The following TPRG1 variants were observed in gnomAD, a reference collection of about 807,000 sequenced individuals.
TPRG1 encodes the protein tumor protein p63 regulated 1.
TPRG1 carries 29 observed loss-of-function variants against 29.3 expected under a neutral mutation model. The observed-to-expected ratio is 0.99, with a 90% CI of 0.74 to 1.35. The LOEUF is 1.35. Among genes scored for constraint, TPRG1 ranks in the 40% most tolerant of loss-of-function variants. TPRG1 has a pLI of 0.00. For synonymous variants in TPRG1, 130 were observed against 116.8 expected (o/e 1.11, Z -0.73); for missense variants, 327 against 335.0 (o/e 0.98, Z 0.19).
intron 4 of TPRG1, among the ~76,000 whole-genome samples, chr3:189,258,125 C>T (rs968965654): frequency 6.6e-6 from 1 of 151,822 alleles, no homozygotes. Context: ...GGTTTTTCCT[C>T]ATCTTCATGG....
chr3:189,119,123 C>G (rs1187091177), intron 1 of TPRG1, among the ~76,000 whole-genome samples: 1 of 152,212 alleles, frequency 6.6e-6, no homozygotes, highest in African/African-American at 2.4e-5. Context: ...TGGGAGACCA[C>G]CTTTTGTATC....
At chr3:189,180,766 G>T (rs1490486113) in intron 1 of TPRG1, among the ~76,000 whole-genome samples, 1 of 152,102 alleles carries the variant, frequency 6.6e-6, no homozygotes, top group Non-Finnish European at 1.5e-5. Flanking sequence ...GGGGTCTGGG[G>T]GAGTGACCAT....
At chr3:189,024,229 C>T (rs1014515933) in intron 4 of TPRG1, among the ~76,000 whole-genome samples, 15 of 149,870 alleles carry the variant, frequency 1.0e-4, no homozygotes, top group Admixed American at 2.0e-4. Context: ...GAACCTTCCC[C>T]GTGAGGAGGA....
At chr3:189,071,830 A>G (rs750639758) in intron 4 of TPRG1, among the ~76,000 whole-genome samples, 9 of 152,242 alleles carry the variant, frequency 5.9e-5, no homozygotes, top group Admixed American at 2.0e-4. Flanking sequence ...TCTGCTAATT[A>G]GCTTGTGTGT....
chr3:189,147,476 G>A (rs1725415784), intron 3 of TPRG1: 1 of 152,220 alleles, frequency 6.6e-6, no homozygotes, highest in South Asian at 2.1e-4. Flanking sequence ...AAATAGCCAT[G>A]TCGGAGGCAG....
intron 4 of TPRG1, among the ~76,000 whole-genome samples, chr3:189,055,116 T>G (rs970751214): frequency 5.9e-5 from 9 of 152,348 alleles, no homozygotes; most frequent in African/African-American, 2.2e-4. Context: ...ATTAAAAGTT[T>G]TGTCTATGAA....
chr3:189,319,661 C>T (rs924655031), intron 5 of TPRG1, among the ~76,000 whole-genome samples: 4 of 151,994 alleles, frequency 2.6e-5, no homozygotes, highest in African/African-American at 9.7e-5. Flanking sequence ...CATTCTTAGC[C>T]CTAAGAGCAT....
intron 4 of TPRG1, among the ~76,000 whole-genome samples, chr3:189,278,732 A>G (rs1447556257): frequency 2.0e-5 from 3 of 152,178 alleles, no homozygotes; most frequent in African/African-American, 7.2e-5. Flanking sequence ...TGTCTCTCAC[A>G]TTCAAAGCAC....
chr3:189,280,079 T>C (rs1301146606), intron 4 of TPRG1, among the ~76,000 whole-genome samples: 1 of 152,146 alleles, frequency 6.6e-6, no homozygotes, highest in Non-Finnish European at 1.5e-5. Context: ...ATTAGTGATA[T>C]TAGACTATCT....
chr3:189,033,855 C>T (rs555064727), intron 4 of TPRG1, among the ~76,000 whole-genome samples: 106 of 151,976 alleles, frequency 7.0e-4, no homozygotes, highest in Non-Finnish European at 1.3e-3. Flanking sequence ...GGATTACAGG[C>T]GTGAGCCACC....
At chr3:189,112,643 C>A (rs1720673124) in intron 1 of TPRG1, among the ~76,000 whole-genome samples, 1 of 152,090 alleles carries the variant, frequency 6.6e-6, no homozygotes, top group Non-Finnish European at 1.5e-5. Flanking sequence ...ATCCTTTCCC[C>A]ATTGCTTGTT....
At chr3:188,999,516 G>A (rs1004633184) in intron 1 of TPRG1, among the ~76,000 whole-genome samples, 8 of 152,140 alleles carry the variant, frequency 5.3e-5, no homozygotes, top group Non-Finnish European at 7.3e-5. Context: ...GCTTAACTGC[G>A]TAATTCCATC....
chr3:189,306,317 T>C (rs1420166671), intron 4 of TPRG1, among the ~76,000 whole-genome samples: 2 of 152,200 alleles, frequency 1.3e-5, no homozygotes, highest in African/African-American at 4.8e-5. Flanking sequence ...ATTTAAGCTA[T>C]CTGAATGGAA....
intron 2 of TPRG1, chr3:189,212,328 A>G (rs921357916): frequency 2.6e-5 from 4 of 152,202 alleles, no homozygotes; most frequent in African/African-American, 7.2e-5. Context: ...TCCATTGTGT[A>G]GCAAGATGTC....
At chr3:189,121,399 A>T (rs1325525450) in intron 1 of TPRG1, 1 of 152,182 alleles carries the variant, frequency 6.6e-6, no homozygotes, top group African/African-American at 2.4e-5. Context: ...AGCTCTAAAA[A>T]ATTTCTGACA....
chr3:189,189,222 A>G (rs1259191745), intron 1 of TPRG1, among the ~76,000 whole-genome samples: 1 of 152,066 alleles, frequency 6.6e-6, no homozygotes, highest in African/African-American at 2.4e-5. Flanking sequence ...ATGTTTTTTT[A>G]TACATATCTA....
chr3:189,135,130 G>T (rs549472745), intron 3 of TPRG1, among the ~76,000 whole-genome samples: 11 of 151,740 alleles, frequency 7.2e-5, no homozygotes, highest in Admixed American at 5.9e-4. Flanking sequence ...GAACTTGGAT[G>T]CAGTCAGTAG....
chr3:189,245,210 C>T (rs1741198730), intron 4 of TPRG1, among the ~76,000 whole-genome samples: 2 of 152,144 alleles, frequency 1.3e-5, no homozygotes. Context: ...GTGTGAGCCA[C>T]TGCGCCCGGT....
intron 5 of TPRG1, among the ~76,000 whole-genome samples, chr3:189,164,978 G>A (rs1348890165): frequency 6.6e-6 from 1 of 152,092 alleles, no homozygotes; most frequent in African/African-American, 2.4e-5. Context: ...AAACCTCCAC[G>A]ATTTCTCTTT....
Sources: gnomAD v4.1 joint callset for allele counts (sites outside exome capture counted in the v4.1 genomes callset) on GRCh38, gnomAD v4.1.1 for gene constraint, MANE v1.5 for transcripts, NCBI Gene and HGNC (gene_info 2026-07-23, HGNC 2026-07-21) for gene names.